PATJ: variants seen among roughly 807,000 people sequenced by gnomAD.
The protein encoded by PATJ is inaD-like protein.
A neutral mutation model predicts 224.9 loss-of-function variants in PATJ; 190 were observed. The ratio of observed to expected loss-of-function variants is 0.84; its 90% CI spans 0.75 to 0.95. The LOEUF is 0.95. Among genes scored for constraint, PATJ ranks in the 40% least tolerant of loss-of-function variants. The probability of loss-of-function intolerance (pLI) is 0.00; values close to 1 mark genes in which losing one functional copy is unlikely to be tolerated. For synonymous variants in PATJ, 769 were observed against 820.3 expected, an observed-to-expected ratio of 0.94 and a Z score of 1.07; for missense variants, 2,121 against 2,270.3, an observed-to-expected ratio of 0.93 and a Z score of 1.34.
At chr1:62,157,412 C>T (rs1338549371) in intron 43 of PATJ, among the ~76,000 whole-genome samples, 1 of 149,478 alleles carries the variant, frequency 6.7e-6, no homozygotes, top group African/African-American at 2.4e-5. Flanking sequence ...AACTCCTACA[C>T]ACCCAAAGTG....
At chr1:61,966,658 C>G (rs1446316365) in intron 27 of PATJ, among the ~76,000 whole-genome samples, 1 of 149,720 alleles carries the variant, frequency 6.7e-6, no homozygotes, top group Non-Finnish European at 1.5e-5. Context: ...TGCACTCCAG[C>G]CTGGGCGACA....
chr1:61,755,802 G>A (rs540997136), intron 1 of PATJ, among the ~76,000 whole-genome samples: 3 of 152,126 alleles, frequency 2.0e-5, no homozygotes, highest in East Asian at 3.9e-4. Context: ...ATAAGGCCAC[G>A]TGTCTTTTTA....
chr1:61,758,236 G>T (rs1425988651), intron 1 of PATJ, among the ~76,000 whole-genome samples: 2 of 152,150 alleles, frequency 1.3e-5, no homozygotes, highest in Middle Eastern at 3.2e-3. Context: ...AGCTTCCAAA[G>T]AATTTCACTT....
At position 62,086,951 on chromosome 1, in the gene PATJ, T is replaced by C. The variant is rs1235642718; in HGVS notation, c.4377+2303T>C. 6.6e-6 allele frequency among the ~76,000 whole-genome samples: 1 copy of C among 152,128 alleles called. No homozygotes were observed. The highest frequency in any genetic ancestry group is 1.5e-5 in the Non-Finnish European group (1 of 68,012). ...AGCCCCAGAGAGTGTGTTACAATGCTAACCTCCGTCGTCCGTGGACAGCGG... is the reference window on the plus strand; with the variant it reads ...AGCCCCAGAGAGTGTGTTACAATGCCAACCTCCGTCGTCCGTGGACAGCGG... On this transcript the variant is annotated intron_variant, in intron 33 of 43. Coordinates refer to ENST00000642238, the MANE Select transcript of PATJ (RefSeq NM_001350145.3). This position sits in a 1 kb window ranked among gnomAD's most constrained non-coding sequence, Gnocchi z 4.0.
intron 41 of PATJ, among the ~76,000 whole-genome samples, chr1:62,139,087 G>A (rs1237761742): frequency 6.6e-6 from 1 of 152,040 alleles, no homozygotes; most frequent in African/African-American, 2.4e-5. Context: ...ACAGCCAGGA[G>A]TGTAAGATTT....
At chr1:61,893,947 T>A (rs1669967632) in intron 22 of PATJ, among the ~76,000 whole-genome samples, 2 of 152,076 alleles carry the variant, frequency 1.3e-5, no homozygotes, top group Admixed American at 1.3e-4. Flanking sequence ...TTGTTTTGAA[T>A]CTTATTTCAA....
chr1:61,911,742 T>A (rs1267262826), intron 25 of PATJ, among the ~76,000 whole-genome samples: 3 of 146,732 alleles, frequency 2.0e-5, no homozygotes, highest in Non-Finnish European at 4.5e-5. Context: ...AGTCAGATAG[T>A]TTCTGACTTG....
At chr1:61,796,246 G>T (rs961058709) in intron 10 of PATJ, among the ~76,000 whole-genome samples, 1 of 152,172 alleles carries the variant, frequency 6.6e-6, no homozygotes, top group African/African-American at 2.4e-5. Context: ...GCTCAAAGAA[G>T]ATTGAGAGAG....
intron 17 of PATJ, among the ~76,000 whole-genome samples, chr1:61,837,507 G>T (rs1660362480): frequency 6.6e-6 from 1 of 152,140 alleles, no homozygotes; most frequent in Non-Finnish European, 1.5e-5. Context: ...TAGGAAAAGA[G>T]ACCAGGCGCA....
chr1:62,106,969 A>G (rs1168160059), intron 33 of PATJ, among the ~76,000 whole-genome samples: 1 of 151,904 alleles, frequency 6.6e-6, no homozygotes, highest in Non-Finnish European at 1.5e-5. Context: ...TCAAATCCCC[A>G]CTGTGGGACC....
At chr1:61,966,925 G>T (rs1571555566) in intron 27 of PATJ, among the ~76,000 whole-genome samples, 1 of 152,116 alleles carries the variant, frequency 6.6e-6, no homozygotes, top group Non-Finnish European at 1.5e-5. Context: ...CACTCTCGTG[G>T]CCATCTTGGT....
chr1:61,813,334 CATATATATATATATATAT>C lies in PATJ; in HGVS notation c.1683+4832_1683+4849del, dbSNP rs747640923. Reference sequence around the variant, plus strand: ...TCCTGATCAACCTCTATGGAATGTACATATATATATATATATATATATATATATATATATATATATATA... The same window carrying C: ...TCCTGATCAACCTCTATGGAATGTACATATATATATATATATATATATATA... On this transcript the variant is annotated intron_variant, in intron 14 of 43. Transcript: ENST00000642238. 3.4e-3 allele frequency among the ~76,000 whole-genome samples: 214 copies of C among 63,082 alleles called. 1 individual carries two copies. The highest frequency in any genetic ancestry group is 8.1e-3 in the African/African-American group (144 of 17,860). 41.4% of individuals were successfully genotyped at this position (63,082 alleles called of 152,430 possible). A position where few individuals can be genotyped will look rare whatever the true frequency, so the allele number is the denominator to read the frequency against.
At chr1:61,876,925 A>G (rs999868033) in intron 21 of PATJ, among the ~76,000 whole-genome samples, 1 of 152,262 alleles carries the variant, frequency 6.6e-6, no homozygotes, top group Non-Finnish European at 1.5e-5. Context: ...TTAAATTTGC[A>G]TAATTAATAA....
At position 62,163,772 on chromosome 1, in the gene PATJ, T is replaced by G. The variant is rs1669995464; in HGVS notation, c.*2718T>G. On this transcript the variant is annotated 3_prime_UTR_variant, in exon 44 of 44. Transcript: ENST00000642238. ...AGTAGTGCTCTTATATTTGGCCTCATCATTTGGGCCATTTCAGTATAGTAA... is the reference window on the plus strand; with the variant it reads ...AGTAGTGCTCTTATATTTGGCCTCAGCATTTGGGCCATTTCAGTATAGTAA... The G allele has an allele frequency of 6.6e-6, 1 of 152,180 alleles. No homozygotes were observed. The highest frequency in any genetic ancestry group is 2.1e-4 in the South Asian group (1 of 4,832). The allele number at this position is 152,180 out of a possible 1,614,324, so 9.4% of individuals were successfully genotyped here.
At chr1:62,135,901 G>A (rs557377398) in intron 41 of PATJ, among the ~76,000 whole-genome samples, 1 of 152,136 alleles carries the variant, frequency 6.6e-6, no homozygotes, top group South Asian at 2.1e-4. Context: ...TGGAAGTGGA[G>A]TGGTTTTCCA....
chr1:61,915,108 A>G (rs1673267945), intron 26 of PATJ, among the ~76,000 whole-genome samples: 1 of 152,234 alleles, frequency 6.6e-6, no homozygotes, highest in Non-Finnish European at 1.5e-5. Context: ...TTAATCCTCC[A>G]TTCCTGTTTG....
intron 31 of PATJ, among the ~76,000 whole-genome samples, chr1:62,072,023 T>G (rs1558128545): frequency 6.6e-6 from 1 of 152,302 alleles, no homozygotes; most frequent in East Asian, 1.9e-4. Context: ...CAGGAATTTA[T>G]GCCTTAAAGT....
intron 30 of PATJ, chr1:62,038,810 AGGGTTCTGGGCC>A (rs1650924123): frequency 1.5e-6 from 1 of 646,076 alleles, no homozygotes; most frequent in African/African-American, 1.8e-5. Context: ...ACACGTGTTC[AGGGTTCTGGGCC>A]GGGGTGGACG....
At position 61,822,962 on chromosome 1, in the gene PATJ, T is replaced by C; in HGVS notation, c.1701T>C (p.Thr567=). 1 of 1,614,158 alleles carries C rather than the reference T, an allele frequency of 6.2e-7. No individual in the cohort carries two copies. Among genetic ancestry groups the C allele is most frequent in the Non-Finnish European group, 8.5e-7 (1 of 1,180,016 alleles). The change falls in exon 15 of 44, where the codon ACT becomes ACC. Residue 567 remains threonine, a synonymous_variant. Coordinates refer to ENST00000642238, the MANE Select transcript of PATJ (RefSeq NM_001350145.3). The part of the protein sequence containing the change: ...QKYSKLLPIH[T]LRLGVEVDSF... Reference sequence around the variant, plus strand: ...TGCTACAGCTGCTGCCTATTCACACTCTGAGGCTTGGTGTGGAAGTGGATT... The same window carrying C: ...TGCTACAGCTGCTGCCTATTCACACCCTGAGGCTTGGTGTGGAAGTGGATT...
Sources: allele counts gnomAD v4.1 joint callset (sites outside exome capture counted in the v4.1 genomes callset), GRCh38; gene constraint gnomAD v4.1.1; non-coding constraint Gnocchi (gnomAD v3.1); transcripts MANE v1.5; gene names NCBI Gene and HGNC (gene_info 2026-07-23, HGNC 2026-07-21).